The following PTPRM variants were observed in gnomAD, a reference collection of about 807,000 sequenced individuals.
PTPRM encodes protein tyrosine phosphatase receptor type M.
In PTPRM, 47 loss-of-function variants were observed where a neutral mutation model predicts 186.7. That is an observed-to-expected ratio of 0.25 (90% CI 0.20 to 0.32). PTPRM has a LOEUF of 0.32. PTPRM is among the 10% of genes least tolerant of loss of function. The probability of loss-of-function intolerance (pLI) is 1.00; values close to 1 mark genes in which losing one functional copy is unlikely to be tolerated. For synonymous variants in PTPRM, 668 were observed against 674.9 expected, an observed-to-expected ratio of 0.99 and a Z score of 0.16; for missense variants, 1,494 against 1,865.0, an observed-to-expected ratio of 0.80 and a Z score of 3.66.
intron 19 of PTPRM, among the ~76,000 whole-genome samples, chr18:8,257,377 C>T (rs2094584498): frequency 6.6e-6 from 1 of 152,180 alleles, no homozygotes; most frequent in African/African-American, 2.4e-5. Context: ...GTTTGGACAT[C>T]ATTATAGAAG....
intron 4 of PTPRM, among the ~76,000 whole-genome samples, chr18:7,922,896 G>T (rs2050947284): frequency 6.6e-6 from 1 of 152,146 alleles, no homozygotes; most frequent in Non-Finnish European, 1.5e-5. Context: ...CCGTAAACTT[G>T]TTTATGTATG....
intron 13 of PTPRM, among the ~76,000 whole-genome samples, chr18:8,128,817 A>G (rs2092434894): frequency 6.6e-6 from 1 of 152,174 alleles, no homozygotes; most frequent in Admixed American, 6.6e-5. Context: ...TAAACTTAAG[A>G]ATTTCTATGT....
chr18:7,654,489 T>C lies in PTPRM; in HGVS notation c.73+86598T>C, dbSNP rs1348602110. On this transcript the variant is annotated intron_variant, in intron 1 of 32. Coordinates refer to ENST00000580170, the MANE Select transcript of PTPRM (RefSeq NM_001105244.2). ...TTGTCAATTTTTGCTTCTGTTGCAG[T>C]TGCTTTGCTTTTGGCATCTTTGTCA... Among the ~76,000 whole-genome samples the C allele has an allele frequency of 2.6e-5, 4 of 152,220 alleles. No homozygotes were observed. In the East Asian group the frequency reaches 7.7e-4, roughly 29 times the overall value.
At chr18:8,153,054 G>A (rs1399559509) in intron 14 of PTPRM, among the ~76,000 whole-genome samples, 5 of 152,146 alleles carry the variant, frequency 3.3e-5, no homozygotes, top group African/African-American at 9.7e-5. Flanking sequence ...ACCTCAATGT[G>A]TATGTAGATA....
At chr18:8,290,670 T>G (rs1215823770) in intron 19 of PTPRM, among the ~76,000 whole-genome samples, 3 of 152,200 alleles carry the variant, frequency 2.0e-5, no homozygotes, top group African/African-American at 7.2e-5. Context: ...TGGTATTCAC[T>G]GGAGCTTGCC....
intron 2 of PTPRM, among the ~76,000 whole-genome samples, chr18:7,854,097 A>G (rs953033623): frequency 6.6e-6 from 1 of 152,168 alleles, no homozygotes; most frequent in Non-Finnish European, 1.5e-5. Flanking sequence ...CAGCAATATT[A>G]GTTTTTATGT....
At chr18:7,748,046 G>A (rs1238674125) in intron 1 of PTPRM, among the ~76,000 whole-genome samples, 1 of 152,182 alleles carries the variant, frequency 6.6e-6, no homozygotes, top group Non-Finnish European at 1.5e-5. Flanking sequence ...GGAAGGGATT[G>A]TATGATTTTA....
chr18:8,030,366 G>A lies in PTPRM; in HGVS notation c.1133-39320G>A, dbSNP rs184976848. ...GAGTGGAAAGTGATTTGAAAGCCTA[G>A]GCCCTGAAACTGGTTTCTCAACATG... is the stretch of plus-strand genomic sequence containing the variant. On this transcript the variant is annotated intron_variant, in intron 7 of 32. Coordinates refer to ENST00000580170, the MANE Select transcript of PTPRM (RefSeq NM_001105244.2). Among the ~76,000 whole-genome samples the A allele has an allele frequency of 1.2e-3, 188 of 152,292 alleles. 1 individual carries two copies. Among genetic ancestry groups the A allele is most frequent in the Non-Finnish European group, 2.2e-3 (152 of 68,032 alleles).
At chr18:7,776,687 T>C (rs537009116) in intron 2 of PTPRM, among the ~76,000 whole-genome samples, 3 of 152,142 alleles carry the variant, frequency 2.0e-5, no homozygotes, top group Non-Finnish European at 4.4e-5. Context: ...ATACAATTAG[T>C]GAACAATCTA....
At chr18:7,955,982 A>C (rs2147123372) in intron 7 of PTPRM, among the ~76,000 whole-genome samples, 1 of 152,288 alleles carries the variant, frequency 6.6e-6, no homozygotes. Flanking sequence ...ATTGTGCTAA[A>C]CCCATTCCGC....
chr18:8,003,042 A>C (rs1455042175), intron 7 of PTPRM, among the ~76,000 whole-genome samples: 1 of 152,236 alleles, frequency 6.6e-6, no homozygotes, highest in East Asian at 1.9e-4. Context: ...TTGTGCTGTT[A>C]CCCAGAGTGT....
intron 19 of PTPRM, among the ~76,000 whole-genome samples, chr18:8,277,994 G>C (rs1000269681): frequency 6.6e-6 from 1 of 152,176 alleles, no homozygotes; most frequent in African/African-American, 2.4e-5. Context: ...CCACAAAGTA[G>C]GATTTTGGTT....
chr18:8,196,128 C>T (rs183475383), intron 14 of PTPRM, among the ~76,000 whole-genome samples: 6 of 152,170 alleles, frequency 3.9e-5, no homozygotes, highest in Admixed American at 6.5e-5. Flanking sequence ...GAGTGTGAAC[C>T]GTAATTTGGC....
At position 7,833,984 on chromosome 18, in the gene PTPRM, T is replaced by A. The variant is rs144339191; in HGVS notation, c.197-54122T>A. Among the ~76,000 whole-genome samples the A allele has an allele frequency of 2.2e-3, 338 of 152,286 alleles. 1 individual carries two copies. Among genetic ancestry groups the A allele is most frequent in the African/African-American group, 7.8e-3 (324 of 41,560 alleles). The stretch of plus-strand genomic sequence containing the variant: ...CTTGCCTGATTGTTCTAGCTAGGAC[T>A]TCCAGTACTATCATCAATAACAGTG... On this transcript the variant is annotated intron_variant, in intron 2 of 32. Coordinates refer to ENST00000580170, the MANE Select transcript of PTPRM (RefSeq NM_001105244.2).
At chr18:8,110,727 A>T (rs2091716645) in intron 11 of PTPRM, among the ~76,000 whole-genome samples, 1 of 152,204 alleles carries the variant, frequency 6.6e-6, no homozygotes, top group African/African-American at 2.4e-5. Context: ...TTGATTCCTC[A>T]TTCCAGTGAA....
At chr18:7,822,927 T>C (rs1316653977) in intron 2 of PTPRM, among the ~76,000 whole-genome samples, 1 of 152,140 alleles carries the variant, frequency 6.6e-6, no homozygotes, top group East Asian at 1.9e-4. Context: ...GGAACATTTG[T>C]TGTATAGTCT....
intron 14 of PTPRM, among the ~76,000 whole-genome samples, chr18:8,149,489 C>A (rs567476899): frequency 1.3e-5 from 2 of 151,940 alleles, no homozygotes; most frequent in Non-Finnish European, 2.9e-5. Flanking sequence ...ATTTTTTTCG[C>A]TTTCCATTTG....
intron 7 of PTPRM, among the ~76,000 whole-genome samples, chr18:8,032,712 A>C (rs1167877340): frequency 1.3e-5 from 2 of 152,188 alleles, no homozygotes; most frequent in African/African-American, 4.8e-5. Context: ...ATATATTTAA[A>C]TATGTTATAG....
intron 11 of PTPRM, among the ~76,000 whole-genome samples, chr18:8,100,130 TTGTGTGTGTG>T (rs141633477): frequency 6.7e-6 from 1 of 149,268 alleles, no homozygotes; most frequent in African/African-American, 2.5e-5. Flanking sequence ...TGCCACACAC[TTGTGTGTGTG>T]TGTGTGTGTA....
Sources: allele counts gnomAD v4.1 joint callset (sites outside exome capture counted in the v4.1 genomes callset), GRCh38; gene constraint gnomAD v4.1.1; transcripts MANE v1.5; gene names NCBI Gene and HGNC (gene_info 2026-07-23, HGNC 2026-07-21).